NELL2: variants seen among roughly 807,000 people sequenced by gnomAD.
The protein encoded by NELL2 is neural EGFL like 2, also known as protein kinase C-binding protein NELL2.
Under a neutral mutation model 109.6 loss-of-function variants are expected in NELL2, and 41 were observed. That is an observed-to-expected ratio of 0.37 (90% CI 0.29 to 0.49). The LOEUF is 0.49. Ranked by LOEUF, NELL2 falls within the 20% of genes least tolerant of loss-of-function variation. NELL2 has a pLI of 0.98. For missense variants in NELL2, 900 were observed against 1,008.3 expected (o/e 0.89, Z 1.45); for synonymous variants, 355 against 344.7 (o/e 1.03, Z -0.33).
At chr12:44,532,460 T>G (rs532705877) in intron 16 of NELL2, 121 bp downstream of exon 16, 10 of 851,936 alleles carry the variant, frequency 1.2e-5, no homozygotes, top group Non-Finnish European at 1.7e-5. Flanking sequence ...TTCCAATCAC[T>G]GTTGTATACA....
At chr12:44,804,172 T>A (rs1015124242) in intron 3 of NELL2, among the ~76,000 whole-genome samples, 1 of 151,880 alleles carries the variant, frequency 6.6e-6, no homozygotes, top group Non-Finnish European at 1.5e-5. Context: ...CATCCCACAA[T>A]CAAGTGTAAT....
At chr12:44,747,192 C>G (rs568237233) in intron 9 of NELL2, among the ~76,000 whole-genome samples, 10 of 152,054 alleles carry the variant, frequency 6.6e-5, no homozygotes, top group Admixed American at 3.9e-4. Context: ...AGCGAACTAT[C>G]GCAAGGACAA....
At chr12:44,693,802 C>G (rs1164498019) in intron 12 of NELL2, among the ~76,000 whole-genome samples, 2 of 152,230 alleles carry the variant, frequency 1.3e-5, no homozygotes, top group South Asian at 2.1e-4. Flanking sequence ...TAACAAAATT[C>G]TTTAATTGAA....
intron 13 of NELL2, among the ~76,000 whole-genome samples, chr12:44,614,515 A>G (rs973058122): frequency 6.6e-6 from 1 of 151,996 alleles, no homozygotes; most frequent in Non-Finnish European, 1.5e-5. Flanking sequence ...CATACTAGTG[A>G]TGAGGCACAA....
intron 9 of NELL2, among the ~76,000 whole-genome samples, chr12:44,773,785 T>C (rs777426253): frequency 2.0e-5 from 3 of 152,182 alleles, no homozygotes; most frequent in Admixed American, 6.5e-5. Flanking sequence ...TAAAGCCTAA[T>C]AGAATTAAAT....
intron 14 of NELL2, 27 bp downstream of exon 14, chr12:44,610,821 A>C: frequency 6.2e-7 from 1 of 1,612,472 alleles, no homozygotes; most frequent in East Asian, 2.2e-5. Context: ...ACATAATGGA[A>C]GAGGCACTGG....
At chr12:44,617,664 C>T (rs1251341739) in intron 13 of NELL2, among the ~76,000 whole-genome samples, 1 of 77,850 alleles carries the variant, frequency 1.3e-5, no homozygotes, top group East Asian at 3.3e-4. Flanking sequence ...TGCACTCCAG[C>T]CTGGGCGACA....
intron 2 of NELL2, among the ~76,000 whole-genome samples, chr12:44,823,544 C>G (rs75525764): frequency 0.02 from 3,018 of 152,242 alleles, 47 homozygotes; most frequent in Non-Finnish European, 0.031. Flanking sequence ...CCAGTTTATC[C>G]ATGTTGCTGC....
At chr12:44,546,664 C>A (rs949528736) in intron 15 of NELL2, among the ~76,000 whole-genome samples, 1 of 152,146 alleles carries the variant, frequency 6.6e-6, no homozygotes, top group Admixed American at 6.5e-5. Flanking sequence ...AAACTTTTTC[C>A]AGACTAATTA....
intron 15 of NELL2, among the ~76,000 whole-genome samples, chr12:44,591,443 C>T (rs1428485458): frequency 1.3e-5 from 2 of 150,290 alleles, no homozygotes; most frequent in African/African-American, 4.9e-5. Flanking sequence ...TACTACTCAG[C>T]CATAAAAAGG....
chr12:44,717,238 C>A (rs938827759), intron 9 of NELL2, among the ~76,000 whole-genome samples: 14 of 151,994 alleles, frequency 9.2e-5, no homozygotes, highest in African/African-American at 3.4e-4. Flanking sequence ...ATAATGATTC[C>A]TAAAAACACT....
intron 15 of NELL2, among the ~76,000 whole-genome samples, chr12:44,542,124 T>C (rs1942599368): frequency 6.6e-6 from 1 of 152,180 alleles, no homozygotes. Flanking sequence ...TATTTAAAAA[T>C]ATTTTACTGA....
chr12:44,776,280 A>G lies in NELL2; in HGVS notation c.763-130T>C, dbSNP rs12309477. The G allele has an allele frequency of 8.3e-3, 6,578 of 789,398 alleles. 324 individuals carry two copies. The African/African-American group carries it at 0.11, about 13-fold the overall frequency. The allele number at this position is 789,398 out of a possible 1,614,324, so 48.9% of individuals were successfully genotyped here. A position where few individuals can be genotyped will look rare whatever the true frequency, so the allele number is the denominator to read the frequency against. ...TGGCTGTGCTTATCAACCACTTGCC[A>G]TAAACATATTTAAGACTTTAATTTA... On this transcript the variant is annotated intron_variant, in intron 7 of 19. Coordinates refer to ENST00000429094, the MANE Select transcript of NELL2 (RefSeq NM_001145108.2).
At chr12:44,571,947 C>T (rs545411887) in intron 15 of NELL2, among the ~76,000 whole-genome samples, 23 of 151,850 alleles carry the variant, frequency 1.5e-4, no homozygotes, top group African/African-American at 4.8e-4. Flanking sequence ...ACAATAAGCA[C>T]AATAAGCAAA....
intron 9 of NELL2, among the ~76,000 whole-genome samples, chr12:44,720,663 A>C (rs1372799796): frequency 2.0e-5 from 3 of 152,192 alleles, no homozygotes; most frequent in Non-Finnish European, 4.4e-5. Context: ...TTGTGAGTCA[A>C]TGCTATTTAA....
intron 9 of NELL2, among the ~76,000 whole-genome samples, chr12:44,745,422 T>C (rs1309109768): frequency 6.6e-6 from 1 of 152,120 alleles, no homozygotes; most frequent in Admixed American, 6.5e-5. Context: ...ACCACTCCTA[T>C]TCAACATAGT....
At chr12:44,571,454 G>A (rs1943869590) in intron 15 of NELL2, among the ~76,000 whole-genome samples, 1 of 152,200 alleles carries the variant, frequency 6.6e-6, no homozygotes, top group East Asian at 1.9e-4. Flanking sequence ...TAAGAATCCA[G>A]TAAAGCAATT....
intron 19 of NELL2, 87 bp from the exon 20 acceptor site, chr12:44,509,071 C>A: frequency 9.1e-7 from 1 of 1,094,836 alleles, no homozygotes; most frequent in Non-Finnish European, 1.4e-6. Context: ...TACTTACAAA[C>A]AAAACTGTAT....
intron 15 of NELL2, among the ~76,000 whole-genome samples, chr12:44,598,916 C>T (rs1255368339): frequency 6.6e-6 from 1 of 151,676 alleles, no homozygotes; most frequent in African/African-American, 2.4e-5. Context: ...CTCTCACGCA[C>T]TCACAGATAA....
Sources: allele counts gnomAD v4.1 joint callset (sites outside exome capture counted in the v4.1 genomes callset), GRCh38; gene constraint gnomAD v4.1.1; transcripts MANE v1.5; gene names NCBI Gene and HGNC (gene_info 2026-07-23, HGNC 2026-07-21).